Variants in ZBTB20 observed in about 807,000 individuals in gnomAD.
ZBTB20 encodes zinc finger and BTB domain containing 20.
In ZBTB20, 9 loss-of-function variants were observed where a neutral mutation model predicts 56.9. The observed-to-expected ratio is 0.16, with a 90% CI of 0.10 to 0.28. The LOEUF is 0.28. ZBTB20 is among the 10% of genes least tolerant of loss of function. The probability of loss-of-function intolerance (pLI) is 1.00; values close to 1 mark genes in which losing one functional copy is unlikely to be tolerated. For missense variants in ZBTB20, 655 were observed against 1,003.0 expected, an observed-to-expected ratio of 0.65 and a Z score of 4.69; for synonymous variants, 417 against 420.7, an observed-to-expected ratio of 0.99 and a Z score of 0.11.
chr3:114,663,359 A>G (rs1346084985), intron 6 of ZBTB20, among the ~76,000 whole-genome samples: 1 of 151,146 alleles, frequency 6.6e-6, no homozygotes, highest in Admixed American at 6.6e-5. Flanking sequence ...GTCACCACCA[A>G]GCCTGCCCTA....
At chr3:114,921,818 C>T (rs961699009) in intron 3 of ZBTB20, among the ~76,000 whole-genome samples, 4 of 151,932 alleles carry the variant, frequency 2.6e-5, no homozygotes, top group African/African-American at 9.7e-5. Flanking sequence ...GCATATGTAA[C>T]AAACCTGCAC....
intron 5 of ZBTB20, among the ~76,000 whole-genome samples, chr3:114,796,388 T>A (rs886956188): frequency 4.6e-5 from 7 of 151,954 alleles, no homozygotes; most frequent in African/African-American, 1.7e-4. Flanking sequence ...AGAAATGGGA[T>A]CAGAGTTAGA....
intron 10 of ZBTB20, among the ~76,000 whole-genome samples, chr3:114,352,568 A>C (rs1251266491): frequency 6.6e-6 from 1 of 152,206 alleles, no homozygotes; most frequent in African/African-American, 2.4e-5. Context: ...CTAAAGGGGC[A>C]CTCCATGGCT....
chr3:114,590,877 G>T (rs2055691856), intron 6 of ZBTB20, among the ~76,000 whole-genome samples: 1 of 152,184 alleles, frequency 6.6e-6, no homozygotes, highest in African/African-American at 2.4e-5. Context: ...ACTGGTTAAA[G>T]AGCTTCATAG....
rs1188559635 is a variant in ZBTB20 at position 114,330,181 on chromosome 3, T to G, written c.*8824A>C. On this transcript the variant is annotated 3_prime_UTR_variant, in exon 12 of 12. Transcript: ENST00000675478. Reference sequence around the variant, plus strand: ...TTCACTTTCCTACATTTGCTAAGTCTGAGCTTTAAAAAATTCTAAAATCCT... The same window carrying G: ...TTCACTTTCCTACATTTGCTAAGTCGGAGCTTTAAAAAATTCTAAAATCCT... 6.6e-6 allele frequency: 1 copy of G among 152,242 alleles called. No homozygotes were observed. The highest frequency in any genetic ancestry group is 1.5e-5 in the Non-Finnish European group (1 of 68,050). The allele number at this position is 152,242 out of a possible 1,614,324, so 9.4% of individuals were successfully genotyped here. A position where few individuals can be genotyped will look rare whatever the true frequency, so the allele number is the denominator to read the frequency against.
chr3:114,602,281 T>C (rs2056820365), intron 6 of ZBTB20, among the ~76,000 whole-genome samples: 1 of 152,046 alleles, frequency 6.6e-6, no homozygotes, highest in African/African-American at 2.4e-5. Context: ...GTAGAAAGTT[T>C]GACATAAGCT....
chr3:114,340,787 G>T (rs2079701049), intron 11 of ZBTB20, among the ~76,000 whole-genome samples: 1 of 152,092 alleles, frequency 6.6e-6, no homozygotes, highest in Non-Finnish European at 1.5e-5. Flanking sequence ...AAACTCCTTA[G>T]GATAATATTT....
intron 3 of ZBTB20, among the ~76,000 whole-genome samples, chr3:114,937,647 TC>T (rs1262625092): frequency 1.3e-5 from 2 of 152,042 alleles, no homozygotes; most frequent in Non-Finnish European, 2.9e-5. Flanking sequence ...GGTCTGGACC[TC>T]CTGACCTCGT....
chr3:115,033,381 C>A (rs183259606), intron 2 of ZBTB20, among the ~76,000 whole-genome samples: 2 of 151,482 alleles, frequency 1.3e-5, no homozygotes, highest in Admixed American at 1.3e-4. Context: ...AAAAATCTCC[C>A]AATAAAGAAA....
At chr3:114,470,041 G>T (rs557606247) in intron 7 of ZBTB20, among the ~76,000 whole-genome samples, 1 of 152,182 alleles carries the variant, frequency 6.6e-6, no homozygotes, top group East Asian at 1.9e-4. Flanking sequence ...TCAAGATTTA[G>T]ATTAAAAACA....
At chr3:114,804,467 T>C (rs578159734) in intron 4 of ZBTB20, among the ~76,000 whole-genome samples, 7 of 152,106 alleles carry the variant, frequency 4.6e-5, no homozygotes, top group African/African-American at 1.4e-4. Context: ...ACTGACTGTA[T>C]CTTGCTCAGA....
chr3:115,077,563 C>T (rs1263230618), intron 1 of ZBTB20, among the ~76,000 whole-genome samples: 1 of 152,094 alleles, frequency 6.6e-6, no homozygotes, highest in African/African-American at 2.4e-5. Context: ...TTAGAGCAGC[C>T]CAGACTAAGA....
chr3:114,802,505 A>G (rs556172458), intron 4 of ZBTB20, among the ~76,000 whole-genome samples: 6 of 151,992 alleles, frequency 3.9e-5, no homozygotes, highest in Admixed American at 1.3e-4. Flanking sequence ...GACATTGACT[A>G]ACTAAACTTT....
intron 4 of ZBTB20, among the ~76,000 whole-genome samples, chr3:114,831,094 T>C (rs1263820662): frequency 6.9e-5 from 9 of 130,334 alleles, no homozygotes; most frequent in Middle Eastern, 3.6e-3. Context: ...CTTCTTTTTT[T>C]TTTTTTTTTT....
intron 2 of ZBTB20, among the ~76,000 whole-genome samples, chr3:115,037,211 T>C (rs1041381722): frequency 2.0e-4 from 30 of 152,244 alleles, no homozygotes; most frequent in African/African-American, 6.7e-4. Context: ...TTAAGAAAAC[T>C]GACCAAAGTA....
In ZBTB20 at chr3:114,579,920, A is replaced by G. The variant is rs1027418261; in HGVS notation, c.-294-79529T>C. Among the ~76,000 whole-genome samples, 4 of 151,848 alleles carry G rather than the reference A, an allele frequency of 2.6e-5. No individual in the cohort carries two copies. The East Asian group carries it at 7.7e-4, about 29-fold the overall frequency. Reference sequence around the variant, plus strand: ...ATTCAAGTCTGCCTACCTACAACCTACTGATGAAAATTACCAAGTTCAGAT... The same window carrying G: ...ATTCAAGTCTGCCTACCTACAACCTGCTGATGAAAATTACCAAGTTCAGAT... On this transcript the variant is annotated intron_variant, in intron 6 of 11. Coordinates refer to ENST00000675478, the MANE Select transcript of ZBTB20 (RefSeq NM_001348800.3).
chr3:115,112,185 A>G (rs575932943), intron 1 of ZBTB20, among the ~76,000 whole-genome samples: 1 of 151,414 alleles, frequency 6.6e-6, no homozygotes, highest in South Asian at 2.1e-4. Flanking sequence ...TTTTTAAATG[A>G]CATAAAGTAT....
At chr3:114,798,358 A>AAAAAAG (rs2071472034) in intron 5 of ZBTB20, among the ~76,000 whole-genome samples, 1 of 151,024 alleles carries the variant, frequency 6.6e-6, no homozygotes, top group Non-Finnish European at 1.5e-5. Context: ...ACAAAAAAAA[A>AAAAAAG]CACACAAAAA....
chr3:114,707,760 G>A (rs1224660054), intron 5 of ZBTB20, among the ~76,000 whole-genome samples: 5 of 152,122 alleles, frequency 3.3e-5, no homozygotes, highest in African/African-American at 1.2e-4. Context: ...ATATTATTCT[G>A]GAGTTAAAAC....
Sources: gnomAD v4.1 joint callset for allele counts (sites outside exome capture counted in the v4.1 genomes callset) on GRCh38, gnomAD v4.1.1 for gene constraint, MANE v1.5 for transcripts, NCBI Gene and HGNC (gene_info 2026-07-23, HGNC 2026-07-21) for gene names.